Variants in INTS5 observed in about 807,000 individuals in gnomAD.
INTS5 encodes integrator complex subunit 5.
A neutral mutation model predicts 60.0 loss-of-function variants in INTS5; 29 were observed. That is an observed-to-expected ratio of 0.48 (90% confidence interval 0.36 to 0.66). The LOEUF (loss-of-function observed/expected upper bound fraction) is 0.66. Ranked by LOEUF, INTS5 falls within the 30% of genes least tolerant of loss-of-function variation. The probability of loss-of-function intolerance (pLI) is 0.00; values close to 1 mark genes in which losing one functional copy is unlikely to be tolerated. For missense variants in INTS5, 1,129 were observed against 1,307.9 expected (o/e 0.86, Z 2.11); for synonymous variants, 588 against 558.8 (o/e 1.05, Z -0.74).
At chr11:62,650,123 AT>A (rs374348956) in intron 1 of INTS5, 124 bp from the exon 2 acceptor site, 7,239 of 592,734 alleles carry the variant, frequency 0.012, no homozygotes, top group Non-Finnish European at 0.014. Flanking sequence ...TCATAAGAGA[AT>A]TTTTTTTTTT....
At position 62,648,723 on chromosome 11, in the gene INTS5, G is replaced by A. The variant is rs775925167; in HGVS notation, c.1357C>T (p.Arg453Trp). The part of the protein sequence containing the change: ...LLHLQKLVHH[R>W]GGSPGEGVLG... ...ACCCCTTCCCCAGGAGACCCTCCCC[G>A]GTGATGAACCAGTTTTTGCAGGTGC... Residue 453 changes from arginine (R) to tryptophan (W), a missense_variant, in exon 2 of 2, where the codon CGG becomes TGG. Physicochemically the swap from Arg to Trp is moderately radical, Grantham distance 101. Transcript: ENST00000330574. This position sits in a 1 kb window ranked among gnomAD's most constrained non-coding sequence, Gnocchi z 4.4. 3.6e-5 allele frequency: 58 copies of A among 1,614,030 alleles called. No individual in the cohort carries two copies. Among genetic ancestry groups the A allele is most frequent in the East Asian group, 1.3e-4 (6 of 44,894 alleles).
In INTS5 at chr11:62,648,356, A is replaced by C; in HGVS notation, c.1724T>G (p.Leu575Arg). 6.2e-7 allele frequency: 1 copy of C among 1,614,046 alleles called. No homozygotes were observed. The highest frequency in any genetic ancestry group is 8.5e-7 in the Non-Finnish European group (1 of 1,179,994). The part of the protein sequence containing the change: ...TLQPPFTARF[L>R]RNLALLVGWE... ...CCCTACTAGCAGTGCCAAGTTGCGC[A>C]GGAACCGGGCCGTGAAGGGAGGCTG... The change falls in exon 2 of 2, where the codon CTG becomes CGG. Residue 575 changes from leucine to arginine, a missense_variant. Around this residue, in one of 3 missense-constraint regions of INTS5, gnomAD observed 1,070 missense variants for 1,246.1 expected, o/e 0.86. Coordinates refer to ENST00000330574, the MANE Select transcript of INTS5 (RefSeq NM_030628.2). This position sits in a 1 kb window ranked among gnomAD's most constrained non-coding sequence, Gnocchi z 4.4.
At position 62,648,785 on chromosome 11, in the gene INTS5, C is replaced by G; in HGVS notation, c.1295G>C (p.Arg432Pro). 1 of 1,614,212 alleles carries G rather than the reference C, an allele frequency of 6.2e-7. No homozygotes were observed. The part of the protein sequence containing the change: ...TQGLAVPDTV[R>P]EACDRLIQLL... Reference sequence around the variant, plus strand: ...CTGGATTAGCCGGTCACAAGCCTCACGCACGGTGTCTGGCACAGCCAGGCC... The same window carrying G: ...CTGGATTAGCCGGTCACAAGCCTCAGGCACGGTGTCTGGCACAGCCAGGCC... The change falls in exon 2 of 2, where the codon CGT becomes CCT. Residue 432 changes from arginine to proline, a missense_variant. Physicochemically the swap from Arg to Pro is moderately radical, Grantham distance 103 (BLOSUM62 -2). Transcript: ENST00000330574. The surrounding 1 kb of genome is among the most constrained non-coding windows in gnomAD (Gnocchi z 4.4).
rs769728883 is a variant in INTS5 at position 62,647,788 on chromosome 11, G to A, written c.2292C>T (p.Val764=). ...TCACTTCCTGCTGATTTCGTGACTG[G>A]ACAAACTTGGGTGGCTTTAAGCCAC... is the stretch of plus-strand genomic sequence containing the variant. ...IGRGLKPPKF[V]QSRNQQEVIY... is the part of the protein sequence containing the mutation. Residue 764 remains valine (V), a synonymous_variant, in exon 2 of 2, where the codon GTC becomes GTT. Coordinates refer to ENST00000330574, the MANE Select transcript of INTS5 (RefSeq NM_030628.2). 1.4e-5 allele frequency: 23 copies of A among 1,614,204 alleles called. No homozygotes were observed. Among genetic ancestry groups the A allele is most frequent in the Non-Finnish European group, 1.9e-5 (22 of 1,180,046 alleles).
In INTS5 at chr11:62,649,073, G is replaced by T. The variant is rs1339024897; in HGVS notation, c.1007C>A (p.Ala336Asp). 1.2e-6 allele frequency: 2 copies of T among 1,610,752 alleles called. No individual in the cohort carries two copies. The highest frequency in any genetic ancestry group is 8.5e-7 in the Non-Finnish European group (1 of 1,177,702). ...CAGCTGCAGTAGGAACGGAACCGTGGCCTGAAGGGAGGGGTCCCCACTGCG... is the reference window on the plus strand; with the variant it reads ...CAGCTGCAGTAGGAACGGAACCGTGTCCTGAAGGGAGGGGTCCCCACTGCG... ...GGRSGDPSLQ[A>D]TVPFLLQLAV... Residue 336 changes from alanine (A) to aspartate (D), a missense_variant, in exon 2 of 2, where the codon GCC becomes GAC. Physicochemically the swap from Ala to Asp is moderately radical, Grantham distance 126. Coordinates refer to ENST00000330574, the MANE Select transcript of INTS5 (RefSeq NM_030628.2). This position sits in a 1 kb window ranked among gnomAD's most constrained non-coding sequence, Gnocchi z 6.0.
chr11:62,647,664 G>A lies in INTS5; in HGVS notation c.2416C>T (p.Pro806Ser). 12 of 1,614,130 alleles carry A rather than the reference G, an allele frequency of 7.4e-6. No individual in the cohort carries two copies. Among genetic ancestry groups the A allele is most frequent in the African/African-American group, 2.7e-5 (2 of 75,076 alleles). The part of the protein sequence containing the change: ...GECWGAPILS[P>S]EAAKAVAVTL... ...ACTGCCACTGCTTTGGCTGCCTCTG[G>A]ACTCAAGATGGGTGCCCCCCAGCAT... Residue 806 changes from proline (P) to serine (S), a missense_variant, in exon 2 of 2, where the codon CCA (proline) becomes TCA (serine). Pro to Ser is a moderately conservative substitution (Grantham distance 74). This residue lies in a region of INTS5 where 1,070 missense variants were observed against 1,246.1 expected (regional missense o/e 0.86). Coordinates refer to ENST00000330574, the MANE Select transcript of INTS5 (RefSeq NM_030628.2).
Position 62,646,936 on chromosome 11 carries a change from G to A in INTS5, c.*84C>T, listed in dbSNP as rs1489130490. 2.6e-6 allele frequency: 3 copies of A among 1,158,938 alleles called. No individual in the cohort carries two copies. The African/African-American group carries it at 4.6e-5, about 18-fold the overall frequency. The allele number at this position is 1,158,938 out of a possible 1,614,324, so 71.8% of individuals were successfully genotyped here. ...CGCTCTTTAGACCAAGGACTTAGAA[G>A]AGAAACCTCCACCCTTCCGGAGCAC... On this transcript the variant is annotated 3_prime_UTR_variant, in exon 2 of 2. Coordinates refer to ENST00000330574, the MANE Select transcript of INTS5 (RefSeq NM_030628.2).
In INTS5 at chr11:62,647,869, T is replaced by G; in HGVS notation, c.2211A>C (p.Ala737=). 6.2e-7 allele frequency: 1 copy of G among 1,614,114 alleles called. No individual in the cohort carries two copies. The highest frequency in any genetic ancestry group is 8.5e-7 in the Non-Finnish European group (1 of 1,179,948). Residue 737 remains alanine (A), a synonymous_variant, in exon 2 of 2, where the codon GCA becomes GCC. Coordinates refer to ENST00000330574, the MANE Select transcript of INTS5 (RefSeq NM_030628.2). ...AAATCCCTCCAGGACCTGGCACAGCTGCAGTGTGCCTCCGGTTAGTGTCCA... is the reference window on the plus strand; with the variant it reads ...AAATCCCTCCAGGACCTGGCACAGCGGCAGTGTGCCTCCGGTTAGTGTCCA... ...SLLDTNRRHT[A]AVPGPGGIWS...
At position 62,649,693 on chromosome 11, in the gene INTS5, C is replaced by T. The variant is rs778891585; in HGVS notation, c.387G>A (p.Leu129=). The T allele has an allele frequency of 6.2e-7, 1 of 1,614,218 alleles. No individual in the cohort carries two copies. Among genetic ancestry groups the T allele is most frequent in the Non-Finnish European group, 8.5e-7 (1 of 1,180,038 alleles). The part of the protein sequence containing the change: ...EDVVQEVQQV[L]SEFIRANPKA... ...TTGGGTTGGCCCGGATAAACTCAGA[C>T]AGCACCTGCTGCACTTCCTGAACCA... is the stretch of plus-strand genomic sequence containing the variant. The change falls in exon 2 of 2, where the codon CTG becomes CTA. Residue 129 remains leucine, a synonymous_variant. Coordinates refer to ENST00000330574, the MANE Select transcript of INTS5 (RefSeq NM_030628.2). The surrounding 1 kb of genome is among the most constrained non-coding windows in gnomAD (Gnocchi z 6.0).
At position 62,648,589 on chromosome 11, in the gene INTS5, G is replaced by C. The variant is rs1944566040; in HGVS notation, c.1491C>G (p.Leu497=). 1.2e-6 allele frequency: 2 copies of C among 1,614,116 alleles called. No individual in the cohort carries two copies. Among genetic ancestry groups the C allele is most frequent in the East Asian group, 4.5e-5 (2 of 44,884 alleles). Residue 497 remains leucine, a synonymous_variant, in exon 2 of 2, where the codon CTC becomes CTG. Coordinates refer to ENST00000330574, the MANE Select transcript of INTS5 (RefSeq NM_030628.2). The surrounding 1 kb of genome is among the most constrained non-coding windows in gnomAD (Gnocchi z 4.4). ...GCAGGCCCAAGAGCTGGTGCTGCCAGAGGAAGCGCTTCCGTTCCAATCGTA... is the reference window on the plus strand; with the variant it reads ...GCAGGCCCAAGAGCTGGTGCTGCCACAGGAAGCGCTTCCGTTCCAATCGTA... ...ETLRLERKRF[L]WQHQLLGLLS... is the part of the protein sequence containing the mutation.
At chr11:62,650,848 C>A (rs1051703091) in intron 1 of INTS5, among the ~76,000 whole-genome samples, 6 of 152,140 alleles carry the variant, frequency 3.9e-5, no homozygotes, top group Non-Finnish European at 8.8e-5. Flanking sequence ...GCTGCAACTT[C>A]AAGCACATGC....
chr11:62,648,591 G>A lies in INTS5; in HGVS notation c.1489C>T (p.Leu497Phe), dbSNP rs80125678. 11 of 1,614,010 alleles carry A rather than the reference G, an allele frequency of 6.8e-6. No homozygotes were observed. The South Asian group carries it at 8.8e-5, about 13-fold the overall frequency. ...AGGCCCAAGAGCTGGTGCTGCCAGA[G>A]GAAGCGCTTCCGTTCCAATCGTAAC... ...ETLRLERKRFLWQHQLLGLLS... is the reference protein window; with the variant it reads ...ETLRLERKRFFWQHQLLGLLS... Residue 497 changes from leucine to phenylalanine, a missense_variant, in exon 2 of 2, where the codon CTC becomes TTC. Physicochemically the swap from Leu to Phe is conservative, Grantham distance 22 (BLOSUM62 0). Around this residue, in one of 3 missense-constraint regions of INTS5, gnomAD observed 1,070 missense variants for 1,246.1 expected, o/e 0.86. Transcript: ENST00000330574. This position sits in a 1 kb window ranked among gnomAD's most constrained non-coding sequence, Gnocchi z 4.4.
At chr11:62,650,325 C>T (rs1944583784) in intron 1 of INTS5, among the ~76,000 whole-genome samples, 1 of 151,966 alleles carries the variant, frequency 6.6e-6, no homozygotes, top group South Asian at 2.1e-4. Context: ...ACCGTGTTAG[C>T]CAGGATGGTC....
intron 1 of INTS5, among the ~76,000 whole-genome samples, chr11:62,652,020 G>A (rs777045321): frequency 4.0e-5 from 6 of 151,706 alleles, no homozygotes; most frequent in Non-Finnish European, 7.4e-5. Context: ...TATAATATCT[G>A]CTTTAAAAAC....
rs371276041 is a variant in INTS5 at position 62,647,734 on chromosome 11, G to A, written c.2346C>T (p.Leu782=). ...VIYNTQSLLS[L]LVHCCSAPGG... is the part of the protein sequence containing the mutation. ...CTGGGGCACTGCAGCAGTGAACCAG[G>A]AGGCTGAGGAGGCTCTGGGTGTTAT... Residue 782 remains leucine (L), a synonymous_variant, in exon 2 of 2, where the codon CTC becomes CTT. Transcript: ENST00000330574. 2.0e-5 allele frequency: 32 copies of A among 1,614,214 alleles called. No homozygotes were observed. The highest frequency in any genetic ancestry group is 3.3e-5 in the South Asian group (3 of 91,086).
Position 62,648,440 on chromosome 11 carries a change from G to C in INTS5, c.1640C>G (p.Ser547Cys). 6.2e-7 allele frequency: 1 copy of C among 1,614,218 alleles called. No individual in the cohort carries two copies. The highest frequency in any genetic ancestry group is 8.5e-7 in the Non-Finnish European group (1 of 1,180,042). ...QLYAGLVVSL[S>C]GLLPLAFRSC... ...TCGGAAAGCCAGGGGCAGGAGGCCAGAGAGGCTGACCACTAGCCCTGCATA... is the reference window on the plus strand; with the variant it reads ...TCGGAAAGCCAGGGGCAGGAGGCCACAGAGGCTGACCACTAGCCCTGCATA... Residue 547 changes from serine to cysteine, a missense_variant, in exon 2 of 2, where the codon TCT (serine) becomes TGT (cysteine). Ser to Cys is a moderately radical substitution (Grantham distance 112). Around this residue, in one of 3 missense-constraint regions of INTS5, gnomAD observed 1,070 missense variants for 1,246.1 expected, o/e 0.86. Transcript: ENST00000330574. This position sits in a 1 kb window ranked among gnomAD's most constrained non-coding sequence, Gnocchi z 4.4.
chr11:62,648,922 G>A lies in INTS5; in HGVS notation c.1158C>T (p.Asn386=), dbSNP rs1435822923. The A allele has an allele frequency of 1.9e-6, 3 of 1,613,306 alleles. No homozygotes were observed. Among genetic ancestry groups the A allele is most frequent in the African/African-American group, 2.7e-5 (2 of 75,048 alleles). Residue 386 remains asparagine (N), a synonymous_variant, in exon 2 of 2, where the codon AAC becomes AAT. Coordinates refer to ENST00000330574, the MANE Select transcript of INTS5 (RefSeq NM_030628.2). This position sits in a 1 kb window ranked among gnomAD's most constrained non-coding sequence, Gnocchi z 4.4. ...LQGFPREELD[N]MLNLAVHLVS... ...CCAGGTGCACAGCCAGGTTCAACAT[G>A]TTGTCCAGCTCCTCTCGGGGGAATC... is the stretch of plus-strand genomic sequence containing the variant.
chr11:62,648,029 C>A lies in INTS5; in HGVS notation c.2051G>T (p.Gly684Val). 1 of 1,614,168 alleles carries A rather than the reference C, an allele frequency of 6.2e-7. No homozygotes were observed. Among genetic ancestry groups the A allele is most frequent in the Non-Finnish European group, 8.5e-7 (1 of 1,180,020 alleles). ...CAGCAGCTGCAGGACAGCCTTGAGC[C>A]CAGCTGGGGATGTCTGAGACAGGCG... Reference protein sequence around the residue: ...LTRLSQTSPAGLKAVLQLLVE... With the variant: ...LTRLSQTSPAVLKAVLQLLVE... Residue 684 changes from glycine (G) to valine (V), a missense_variant, in exon 2 of 2, where the codon GGG (glycine) becomes GTG (valine). Physicochemically the swap from Gly to Val is moderately radical, Grantham distance 109 (BLOSUM62 -3). Around this residue, in one of 3 missense-constraint regions of INTS5, gnomAD observed 1,070 missense variants for 1,246.1 expected, o/e 0.86. Coordinates refer to ENST00000330574, the MANE Select transcript of INTS5 (RefSeq NM_030628.2). This position sits in a 1 kb window ranked among gnomAD's most constrained non-coding sequence, Gnocchi z 4.4.
chr11:62,649,900 A>G lies in INTS5; in HGVS notation c.180T>C (p.Leu60=), dbSNP rs764608534. Residue 60 remains leucine (L), a synonymous_variant, in exon 2 of 2, where the codon CTT becomes CTC. Transcript: ENST00000330574. The surrounding 1 kb of genome is among the most constrained non-coding windows in gnomAD (Gnocchi z 6.0). ...LSAREHARCG[L]LLLRSLPPAR... ...CAGGTGGCAAAGAACGGAGCAGGAGAAGACCACAGCGAGCATGTTCCCGGG... is the reference window on the plus strand; with the variant it reads ...CAGGTGGCAAAGAACGGAGCAGGAGGAGACCACAGCGAGCATGTTCCCGGG... 5.6e-6 allele frequency: 9 copies of G among 1,614,062 alleles called. No individual in the cohort carries two copies. The African/African-American group carries it at 1.2e-4, about 22-fold the overall frequency.
Sources: gnomAD v4.1 joint callset for allele counts (sites outside exome capture counted in the v4.1 genomes callset) on GRCh38, gnomAD v4.1.1 for gene constraint, gnomAD v4.1.1 regional missense constraint, Gnocchi (gnomAD v3.1) non-coding constraint, MANE v1.5 for transcripts, NCBI Gene and HGNC (gene_info 2026-07-23, HGNC 2026-07-21) for gene names.